The following SON variants were observed in gnomAD, a reference collection of about 807,000 sequenced individuals.
SON encodes the protein protein SON.
SON carries 4 observed loss-of-function variants against 173.3 expected under a neutral mutation model. The ratio of observed to expected loss-of-function variants is 0.02; its 90% CI spans 0.01 to 0.05. The LOEUF is 0.05. SON is among the 10% of genes least tolerant of loss of function. SON has a pLI of 1.00. For missense variants in SON, 2,626 were observed against 3,055.3 expected, an observed-to-expected ratio of 0.86 and a Z score of 3.31; for synonymous variants, 1,190 against 1,105.9, an observed-to-expected ratio of 1.08 and a Z score of -1.51.
chr21:33,553,468 C>G lies in SON; in HGVS notation c.4237C>G (p.Leu1413Val), dbSNP rs918615094. 4 of 1,614,120 alleles carry G rather than the reference C, an allele frequency of 2.5e-6. No homozygotes were observed. In the African/African-American group the frequency reaches 5.3e-5, roughly 22 times the overall value. The change falls in exon 3 of 12, where the codon CTG (leucine) becomes GTG (valine). Residue 1413 changes from leucine (L) to valine (V), a missense_variant. By Grantham distance (32) the Leu-to-Val change is conservative (BLOSUM62 1). Transcript: ENST00000356577. Reference protein sequence around the residue: ...VTIPVPVVSALEPSVPVLEPA... With the variant: ...VTIPVPVVSAVEPSVPVLEPA... Reference sequence around the variant, plus strand: ...CATTCCTGTGCCAGTTGTTTCTGCGCTGGAGCCTTCTGTGCCTGTTCTGGA... The same window carrying G: ...CATTCCTGTGCCAGTTGTTTCTGCGGTGGAGCCTTCTGTGCCTGTTCTGGA...
chr21:33,548,076 C>G (rs1032128077), intron 2 of SON, among the ~76,000 whole-genome samples: 22 of 151,938 alleles, frequency 1.4e-4, no homozygotes, highest in African/African-American at 4.8e-4. Flanking sequence ...TTGGGGGTCC[C>G]TAAGATTTAT....
At position 33,576,902 on chromosome 21, in the gene SON, T is replaced by C. The variant is rs149075032; in HGVS notation, c.*478T>C. Reference sequence around the variant, plus strand: ...ACTATGATGTAACTCCCCTTCCTTATGGCTAGGCTACTGTAACACTTGCCT... The same window carrying C: ...ACTATGATGTAACTCCCCTTCCTTACGGCTAGGCTACTGTAACACTTGCCT... On this transcript the variant is annotated 3_prime_UTR_variant, in exon 12 of 12. Transcript: ENST00000356577. 0.011 allele frequency: 2,920 copies of C among 258,848 alleles called. 43 individuals are homozygous for C. The highest frequency in any genetic ancestry group is 0.041 in the South Asian group (911 of 22,442). The allele number at this position is 258,848 out of a possible 1,614,324, so 16.0% of individuals were successfully genotyped here.
In SON at chr21:33,563,709, A is replaced by C. The variant is rs571352671; in HGVS notation, c.6658-3448A>C. On this transcript the variant is annotated intron_variant, in intron 6 of 11. Transcript: ENST00000356577. ...CAAAAGGAGTAAATGGATTTAGAAG[A>C]ATTTCCTAAATGAGAAATAAAAATG... is the stretch of plus-strand genomic sequence containing the variant. 3.2e-3 allele frequency among the ~76,000 whole-genome samples: 494 copies of C among 152,300 alleles called. 2 individuals are homozygous for C. The highest frequency in any genetic ancestry group is 0.011 in the African/African-American group (471 of 41,578).
At chr21:33,547,524 G>T (rs1192183506) in intron 2 of SON, among the ~76,000 whole-genome samples, 1 of 152,016 alleles carries the variant, frequency 6.6e-6, no homozygotes, top group East Asian at 1.9e-4. Flanking sequence ...CTTTTTTGGG[G>T]GGAACTTTAG....
chr21:33,544,043 A>G (rs970908668), intron 1 of SON, among the ~76,000 whole-genome samples: 4 of 152,348 alleles, frequency 2.6e-5, no homozygotes, highest in Middle Eastern at 3.4e-3. Context: ...GCTTTTGTAT[A>G]AGATACTCAT....
At chr21:33,575,427 G>GA (rs2086378147) in intron 9 of SON, 169 bp from the exon 10 acceptor site, 1 of 490,072 alleles carries the variant, frequency 2.0e-6, no homozygotes, top group Non-Finnish European at 3.6e-6. Context: ...TTTATATGCT[G>GA]AAAAACAGTA....
chr21:33,570,764 T>C (rs546186565), intron 8 of SON, among the ~76,000 whole-genome samples: 1 of 152,310 alleles, frequency 6.6e-6, no homozygotes, highest in East Asian at 1.9e-4. Context: ...GAAATAAAGC[T>C]TATGGGTGTT....
At chr21:33,543,362 A>G in intron 1 of SON, 193 bp downstream of exon 1, 2 of 604,982 alleles carry the variant, frequency 3.3e-6, no homozygotes, top group Non-Finnish European at 5.8e-6. Context: ...CCCTCGAGGA[A>G]CTTCGCCTTT....
At chr21:33,567,463 T>C in intron 7 of SON, 196 bp downstream of exon 7, 1 of 568,448 alleles carries the variant, frequency 1.8e-6, no homozygotes, top group South Asian at 2.3e-5. Flanking sequence ...GTTTATTGTT[T>C]ACTATGTGGC....
chr21:33,568,881 T>C, intron 7 of SON, 90 bp from the exon 8 acceptor site: 2 of 721,576 alleles, frequency 2.8e-6, no homozygotes, highest in Non-Finnish European at 4.8e-6. Flanking sequence ...TATTTAAGTC[T>C]GCTTTTCAGC....
At chr21:33,545,990 T>G (rs1472688062) in intron 1 of SON, among the ~76,000 whole-genome samples, 3 of 152,254 alleles carry the variant, frequency 2.0e-5, no homozygotes, top group Non-Finnish European at 4.4e-5. Context: ...AGAAACCTGT[T>G]TTCTTAATTT....
chr21:33,554,573 A>G lies in SON; in HGVS notation c.5342A>G (p.Glu1781Gly). ...AGTAGTATGCCAGAAAGAGCTTCAG[A>G]GTCTTCTTCAGAGGAAAAAGATGAT... ...VVSSMPERASESSSEEKDDYE... is the reference protein window; with the variant it reads ...VVSSMPERASGSSSEEKDDYE... The change falls in exon 3 of 12, where the codon GAG becomes GGG. Residue 1781 changes from glutamate (E) to glycine (G), a missense_variant. By Grantham distance (98) the Glu-to-Gly change is moderately conservative. This residue lies in a region of SON where 1,006 missense variants were observed against 895.6 expected (regional missense o/e 1.12). Coordinates refer to ENST00000356577, the MANE Select transcript of SON (RefSeq NM_138927.4). 26 of 1,614,026 alleles carry G rather than the reference A, an allele frequency of 1.6e-5. No homozygotes were observed. Among genetic ancestry groups the G allele is most frequent in the Non-Finnish European group, 2.2e-5 (26 of 1,180,016 alleles).
At chr21:33,563,519 A>AT (rs2086108920) in intron 6 of SON, among the ~76,000 whole-genome samples, 1 of 152,088 alleles carries the variant, frequency 6.6e-6, no homozygotes, top group African/African-American at 2.4e-5. Context: ...TGCTTTTGAG[A>AT]TATCTGTGAT....
Position 33,552,384 on chromosome 21 carries a change from C to G in SON, c.3153C>G (p.Ser1051=), listed in dbSNP as rs1601263620. The change falls in exon 3 of 12, where the codon TCC becomes TCG. Residue 1051 remains serine (S), a synonymous_variant. Transcript: ENST00000356577. The surrounding 1 kb of genome is among the most constrained non-coding windows in gnomAD (Gnocchi z 5.6). ...MMSAYERSMM[S]PMAERSMMSA... ...CAGCCTACGAGCGCTCTATGATGTC[C>G]CCTATGGCTGAGCGCTCTATGATGT... is the stretch of plus-strand genomic sequence containing the variant. 3 of 1,613,740 alleles carry G rather than the reference C, an allele frequency of 1.9e-6. No individual in the cohort carries two copies. Among genetic ancestry groups the G allele is most frequent in the South Asian group, 2.2e-5 (2 of 91,044 alleles).
intron 2 of SON, among the ~76,000 whole-genome samples, chr21:33,548,880 G>A (rs2145811467): frequency 6.6e-6 from 1 of 152,222 alleles, no homozygotes; most frequent in Admixed American, 6.5e-5. Flanking sequence ...AGAGCTGGAG[G>A]GAATAATTAT....
At position 33,567,084 on chromosome 21, in the gene SON, A is replaced by G. The variant is rs2834236; in HGVS notation, c.6658-73A>G. 0.26 allele frequency: 199,018 copies of G among 776,548 alleles called. 27,486 individuals carry two copies. Among genetic ancestry groups the G allele is most frequent in the Non-Finnish European group, 0.28 (132,522 of 467,926 alleles). The allele number at this position is 776,548 out of a possible 1,614,324, so 48.1% of individuals were successfully genotyped here. On this transcript the variant is annotated intron_variant, in intron 6 of 11. Coordinates refer to ENST00000356577, the MANE Select transcript of SON (RefSeq NM_138927.4). ...ATTTTGTTTTTGATATGTAGCAACTAAAGATATGAGTACTTTTCAGAATTT... is the reference window on the plus strand; with the variant it reads ...ATTTTGTTTTTGATATGTAGCAACTGAAGATATGAGTACTTTTCAGAATTT...
At position 33,553,120 on chromosome 21, in the gene SON, G is replaced by A. The variant is rs776034939; in HGVS notation, c.3889G>A (p.Val1297Met). The A allele has an allele frequency of 2.5e-6, 4 of 1,614,100 alleles. No individual in the cohort carries two copies. The highest frequency in any genetic ancestry group is 1.7e-5 in the Admixed American group (1 of 60,006). Residue 1297 changes from valine (V) to methionine (M), a missense_variant, in exon 3 of 12, where the codon GTG becomes ATG. Physicochemically the swap from Val to Met is conservative, Grantham distance 21. This residue lies in a region of SON where 1,006 missense variants were observed against 895.6 expected (regional missense o/e 1.12). Coordinates refer to ENST00000356577, the MANE Select transcript of SON (RefSeq NM_138927.4). The stretch of plus-strand genomic sequence containing the variant: ...TCCCGCCATGTCAGCTGAACCAACT[G>A]TGTTAGCATCAGAGCCTCCTGTTAT... ...ETPAMSAEPT[V>M]LASEPPVMSE...
chr21:33,557,781 T>G (rs888964235), intron 4 of SON: 1 of 1,254,398 alleles, frequency 8.0e-7, no homozygotes, highest in Non-Finnish European at 1.1e-6. Flanking sequence ...GGAACTTCTT[T>G]CGCATCAACA....
rs878949115 is a variant in SON, at chr21:33,551,697, C to T, written c.2466C>T (p.Asp822=). The change falls in exon 3 of 12, where the codon GAC becomes GAT. Residue 822 remains aspartate (D), a synonymous_variant. Transcript: ENST00000356577. ...DSQMLATSSM[D]SQMLATSSMD... Reference sequence around the variant, plus strand: ...AGATGTTAGCAACCAGCTCCATGGACTCCCAGATGTTAGCAACCAGCTCCA... The same window carrying T: ...AGATGTTAGCAACCAGCTCCATGGATTCCCAGATGTTAGCAACCAGCTCCA... The T allele has an allele frequency of 1.2e-6, 2 of 1,612,316 alleles. No homozygotes were observed. Among genetic ancestry groups the T allele is most frequent in the Admixed American group, 3.3e-5 (2 of 59,994 alleles).
Sources: allele counts gnomAD v4.1 joint callset (sites outside exome capture counted in the v4.1 genomes callset), GRCh38; gene constraint gnomAD v4.1.1; regional missense constraint gnomAD v4.1.1; non-coding constraint Gnocchi (gnomAD v3.1); transcripts MANE v1.5; gene names NCBI Gene and HGNC (gene_info 2026-07-23, HGNC 2026-07-21).